ME2: variants seen among roughly 807,000 people sequenced by gnomAD.
The protein encoded by ME2 is NAD-dependent malic enzyme, mitochondrial.
ME2 carries 60 observed loss-of-function variants against 73.7 expected under a neutral mutation model. That is an observed-to-expected ratio of 0.81 (90% CI 0.66 to 1.01). ME2 has a LOEUF of 1.01. ME2 is among the 50% of genes least tolerant of loss of function. The pLI is 0.00. For synonymous variants in ME2, 199 were observed against 236.9 expected (o/e 0.84, Z 1.47); for missense variants, 594 against 705.5 (o/e 0.84, Z 1.79).
At position 50,950,467 on chromosome 18, in the gene ME2, C is replaced by CTTTTTTTTTCTTTTTTTTTTTTT. The variant is rs1555679814; in HGVS notation, c.*3292_*3293insCTTTTTTTTTTTTTTTTTTTTTT. ...GCCTGGGGTGGGGCCTCAGATTCTG[C>CTTTTTTTTTCTTTTTTTTTTTTT]TTTTTTTTTTTTTTTTTTTTTTTTT... On this transcript the variant is annotated 3_prime_UTR_variant, in exon 16 of 16. Coordinates refer to ENST00000321341, the MANE Select transcript of ME2 (RefSeq NM_002396.5). 7 of 45,086 alleles carry CTTTTTTTTTCTTTTTTTTTTTTT rather than the reference C, an allele frequency of 1.6e-4. 1 individual carries two copies. Among genetic ancestry groups the CTTTTTTTTTCTTTTTTTTTTTTT allele is most frequent in the Non-Finnish European group, 2.0e-4 (5 of 24,924 alleles). The allele number at this position is 45,086 out of a possible 1,614,324, so 2.8% of individuals were successfully genotyped here. A position where few individuals can be genotyped will look rare whatever the true frequency, so the allele number is the denominator to read the frequency against.
intron 1 of ME2, among the ~76,000 whole-genome samples, chr18:50,887,074 A>G (rs1328540336): frequency 6.6e-6 from 1 of 152,218 alleles, no homozygotes; most frequent in Non-Finnish European, 1.5e-5. Flanking sequence ...CTGTAGTGTT[A>G]AGTAAGAATA....
rs988336678 is a variant in ME2, at chr18:50,891,500, G to A, written c.-12-4309G>A. ...TCTGCAAAATTTTCTCATAAATACA[G>A]CCAATTAATTTATTCCATAAGCACC... On this transcript the variant is annotated intron_variant, in intron 1 of 15. Transcript: ENST00000321341. Among the ~76,000 whole-genome samples, 8 of 152,216 alleles carry A rather than the reference G, an allele frequency of 5.3e-5. No homozygotes were observed. The East Asian group carries it at 1.5e-3, about 29-fold the overall frequency.
chr18:50,898,556 C>T (rs531675382), intron 2 of ME2, among the ~76,000 whole-genome samples: 3 of 152,054 alleles, frequency 2.0e-5, no homozygotes, highest in African/African-American at 4.8e-5. Context: ...CTCACCTTCC[C>T]GAGTAGCTGA....
intron 3 of ME2, among the ~76,000 whole-genome samples, chr18:50,909,842 A>T (rs1015985704): frequency 6.6e-6 from 1 of 152,034 alleles, no homozygotes; most frequent in Non-Finnish European, 1.5e-5. Flanking sequence ...TGTTAGAGCA[A>T]GGTCTAGGGA....
Position 50,895,888 on chromosome 18 carries a change from A to G in ME2, c.68A>G (p.Glu23Gly), listed in dbSNP as rs999525412. 3 of 1,613,648 alleles carry G rather than the reference A, an allele frequency of 1.9e-6. No homozygotes were observed. In the African/African-American group the frequency reaches 4.0e-5, roughly 22 times the overall value. ...TLACRHLHIK[E>G]KGKPLMLNPR... ...GCATGTCGACATTTGCACATAAAAG[A>G]AAAAGGCAAGCCACTTATGCTGAAC... is the stretch of plus-strand genomic sequence containing the variant. Residue 23 changes from glutamate (E) to glycine (G), a missense_variant, in exon 2 of 16, where the codon GAA becomes GGA. Transcript: ENST00000321341.
Position 50,948,529 on chromosome 18 carries a change from T to A in ME2, c.*1345T>A, listed in dbSNP as rs1918142960. 6.7e-6 allele frequency: 1 copy of A among 150,038 alleles called. No individual in the cohort carries two copies. The highest frequency in any genetic ancestry group is 1.5e-5 in the Non-Finnish European group (1 of 67,704). The allele number at this position is 150,038 out of a possible 1,614,324, so 9.3% of individuals were successfully genotyped here. ...ATTTTTTTCATCTTCTGCCTATGAA[T>A]ACAAATTGATTCTTTTTTTTTTTTT... is the stretch of plus-strand genomic sequence containing the variant. On this transcript the variant is annotated 3_prime_UTR_variant, in exon 16 of 16. Coordinates refer to ENST00000321341, the MANE Select transcript of ME2 (RefSeq NM_002396.5).
At chr18:50,889,146 TC>T (rs908220483) in intron 1 of ME2, among the ~76,000 whole-genome samples, 1 of 151,962 alleles carries the variant, frequency 6.6e-6, no homozygotes, top group Non-Finnish European at 1.5e-5. Flanking sequence ...ATTAATTCCC[TC>T]CCCCCCATGA....
At chr18:50,938,178 A>G (rs1169735705) in intron 13 of ME2, among the ~76,000 whole-genome samples, 1 of 152,154 alleles carries the variant, frequency 6.6e-6, no homozygotes, top group Non-Finnish European at 1.5e-5. Flanking sequence ...AAATAAAAAA[A>G]TTAGCCAGGT....
At chr18:50,925,977 T>G in intron 12 of ME2, 79 bp downstream of exon 12, 6 of 993,506 alleles carry the variant, frequency 6.0e-6, no homozygotes, top group Non-Finnish European at 9.2e-6. Context: ...TACACCATTG[T>G]TCTAATGGTT....
At chr18:50,910,307 C>T (rs1917121019) in intron 3 of ME2, among the ~76,000 whole-genome samples, 3 of 141,590 alleles carry the variant, frequency 2.1e-5, no homozygotes, top group Admixed American at 7.2e-5. Flanking sequence ...GGCATGGTGT[C>T]GCATACCTAT....
rs1918142089 is a variant in ME2 at position 50,948,483 on chromosome 18, C to G, written c.*1299C>G. 6.7e-6 allele frequency: 1 copy of G among 150,344 alleles called. No individual in the cohort carries two copies. 9.3% of individuals were successfully genotyped at this position (150,344 alleles called of 1,614,324 possible). A position where few individuals can be genotyped will look rare whatever the true frequency, so the allele number is the denominator to read the frequency against. On this transcript the variant is annotated 3_prime_UTR_variant, in exon 16 of 16. Coordinates refer to ENST00000321341, the MANE Select transcript of ME2 (RefSeq NM_002396.5). ...AGCATGCACAGTATTTGATATTGCT[C>G]TGTAGGAAAAAAGAGACTTCATTTT...
rs571701827 is a variant in ME2 at position 50,880,645 on chromosome 18, T to A, written c.-13+1337T>A. Among the ~76,000 whole-genome samples the A allele has an allele frequency of 1.1e-3, 169 of 152,316 alleles. No homozygotes were observed. The South Asian group carries it at 0.034, about 31-fold the overall frequency. On this transcript the variant is annotated intron_variant, in intron 1 of 15. Transcript: ENST00000321341. ...ATTGGCCAGGCTGGTCTCGAACTCC[T>A]GACCTCAAGTGATCTACCCACCTTG...
rs150269774 is a variant in ME2 at position 50,925,738 on chromosome 18, C to G, written c.1172-18C>G. On this transcript the variant is annotated intron_variant, in intron 11 of 15. Transcript: ENST00000321341. ...TACCTATAATGAAGTTGCTGTTTTTCCCCCTTACTTATTACAGGAGTTGCA... is the reference window on the plus strand; with the variant it reads ...TACCTATAATGAAGTTGCTGTTTTTGCCCCTTACTTATTACAGGAGTTGCA... 2.1e-4 allele frequency: 339 copies of G among 1,610,384 alleles called. No homozygotes were observed. The African/African-American group carries it at 4.1e-3, about 20-fold the overall frequency.
rs1918198623 is a variant in ME2 at position 50,950,468 on chromosome 18, T to TA, written c.*3284_*3285insA. 1.4e-5 allele frequency: 1 copy of TA among 71,524 alleles called. No individual in the cohort carries two copies. Among genetic ancestry groups the TA allele is most frequent in the African/African-American group, 8.6e-5 (1 of 11,574 alleles). The allele number at this position is 71,524 out of a possible 1,614,324, so 4.4% of individuals were successfully genotyped here. ...CCTGGGGTGGGGCCTCAGATTCTGC[T>TA]TTTTTTTTTTTTTTTTTTTTTTTTT... On this transcript the variant is annotated 3_prime_UTR_variant, in exon 16 of 16. Coordinates refer to ENST00000321341, the MANE Select transcript of ME2 (RefSeq NM_002396.5).
chr18:50,943,288 A>AATTTATTT (rs201417906), intron 15 of ME2, among the ~76,000 whole-genome samples: 4 of 151,494 alleles, frequency 2.6e-5, no homozygotes, highest in Admixed American at 6.6e-5. Context: ...TTGACTATTA[A>AATTTATTT]ATTTATTTAT....
intron 2 of ME2, among the ~76,000 whole-genome samples, chr18:50,907,510 G>A (rs542304978): frequency 3.0e-4 from 46 of 152,250 alleles, no homozygotes; most frequent in African/African-American, 1.0e-3. Context: ...GCTTTGATAC[G>A]AAGAATTTAA....
chr18:50,947,468 C>A lies in ME2; in HGVS notation c.*284C>A. On this transcript the variant is annotated 3_prime_UTR_variant, in exon 16 of 16. Transcript: ENST00000321341. ...AAAAGTGTGTTTGTGAATGTCTTCA[C>A]TTGTACTCTAATTCAGACTTGCCAA... is the stretch of plus-strand genomic sequence containing the variant. The A allele has an allele frequency of 6.3e-6, 2 of 316,734 alleles. No individual in the cohort carries two copies. The highest frequency in any genetic ancestry group is 1.2e-5 in the Non-Finnish European group (2 of 173,496). 19.6% of individuals were successfully genotyped at this position (316,734 alleles called of 1,614,324 possible).
chr18:50,879,588 G>C (rs1405750586), intron 1 of ME2, among the ~76,000 whole-genome samples: 2 of 152,230 alleles, frequency 1.3e-5, no homozygotes, highest in African/African-American at 4.8e-5. Flanking sequence ...GCTGGTGCCT[G>C]GGCGCCCCGC....
At chr18:50,887,010 A>G (rs559152875) in intron 1 of ME2, among the ~76,000 whole-genome samples, 68 of 152,298 alleles carry the variant, frequency 4.5e-4, no homozygotes, top group African/African-American at 1.6e-3. Context: ...AAAAGAAAAA[A>G]GAAAACCAAA....
Sources: allele counts gnomAD v4.1 joint callset (sites outside exome capture counted in the v4.1 genomes callset), GRCh38; gene constraint gnomAD v4.1.1; transcripts MANE v1.5; gene names NCBI Gene and HGNC (gene_info 2026-07-23, HGNC 2026-07-21).